NEDD4L: variants seen among roughly 807,000 people sequenced by gnomAD.
NEDD4L encodes E3 ubiquitin-protein ligase NEDD4-like.
NEDD4L carries 54 observed loss-of-function variants against 148.9 expected under a neutral mutation model. The ratio of observed to expected loss-of-function variants is 0.36; its 90% CI spans 0.29 to 0.45. NEDD4L has a LOEUF of 0.45. Among genes scored for constraint, NEDD4L ranks in the 20% least tolerant of loss-of-function variants. The probability of loss-of-function intolerance (pLI) is 1.00; values close to 1 mark genes in which losing one functional copy is unlikely to be tolerated. For synonymous variants in NEDD4L, 433 were observed against 440.7 expected, an observed-to-expected ratio of 0.98 and a Z score of 0.22; for missense variants, 856 against 1,233.8, an observed-to-expected ratio of 0.69 and a Z score of 4.59.
chr18:58,052,571 A>G (rs1389581611), intron 1 of NEDD4L, among the ~76,000 whole-genome samples: 2 of 152,078 alleles, frequency 1.3e-5, no homozygotes, highest in Non-Finnish European at 2.9e-5. Context: ...GCAGGCAGAC[A>G]TCTACCAAGA....
At chr18:58,095,540 G>A (rs2084343768) in intron 1 of NEDD4L, among the ~76,000 whole-genome samples, 1 of 152,178 alleles carries the variant, frequency 6.6e-6, no homozygotes, top group Admixed American at 6.5e-5. Flanking sequence ...GCTCAGTCGG[G>A]GCCAAAGGGC....
chr18:58,390,546 A>G, intron 28 of NEDD4L, 100 bp from the exon 29 acceptor site: 1 of 734,414 alleles, frequency 1.4e-6, no homozygotes, highest in Non-Finnish European at 2.4e-6. Flanking sequence ...TAGGTCTTAC[A>G]TTGCAATATA....
At chr18:58,051,552 A>T (rs2081871742) in intron 1 of NEDD4L, among the ~76,000 whole-genome samples, 1 of 152,310 alleles carries the variant, frequency 6.6e-6, no homozygotes, top group Admixed American at 6.5e-5. Flanking sequence ...AAACATGGCA[A>T]TGTGTGATAG....
rs1468553001 is a variant in NEDD4L, at chr18:58,300,888, AT to A, written c.298-15087del. On this transcript the variant is annotated intron_variant, in intron 5 of 30. Coordinates refer to ENST00000400345, the MANE Select transcript of NEDD4L (RefSeq NM_001144967.3). Reference sequence around the variant, plus strand: ...TGCTTGATTTACAGATTATTAGAGAATTTTTTTCAGTTAAACTTTGTCCAAA... The same window carrying A: ...TGCTTGATTTACAGATTATTAGAGAATTTTTTCAGTTAAACTTTGTCCAAA... Among the ~76,000 whole-genome samples, 6 of 152,246 alleles carry A rather than the reference AT, an allele frequency of 3.9e-5. No individual in the cohort carries two copies. The East Asian group carries it at 9.6e-4, about 24-fold the overall frequency.
chr18:58,295,661 G>A (rs1424891020), intron 5 of NEDD4L, among the ~76,000 whole-genome samples: 1 of 152,098 alleles, frequency 6.6e-6, no homozygotes, highest in African/African-American at 2.4e-5. Flanking sequence ...TTTCTGAGCT[G>A]GGTGTCATGT....
chr18:58,047,334 G>A, intron 1 of NEDD4L: 2 of 985,026 alleles, frequency 2.0e-6, no homozygotes, highest in Non-Finnish European at 2.4e-6. Context: ...TGAGATTGTT[G>A]AAAAGCATGG....
intron 16 of NEDD4L, among the ~76,000 whole-genome samples, chr18:58,345,195 G>A (rs1213337264): frequency 1.3e-5 from 2 of 152,194 alleles, no homozygotes; most frequent in African/African-American, 4.8e-5. Flanking sequence ...GGTAACAACT[G>A]GAAATTCCAC....
chr18:58,395,636 G>A (rs563681937), intron 30 of NEDD4L, among the ~76,000 whole-genome samples: 9 of 152,184 alleles, frequency 5.9e-5, no homozygotes, highest in Non-Finnish European at 1.2e-4. Context: ...TCTGTTTGTG[G>A]GTCTGCCGTT....
intron 1 of NEDD4L, among the ~76,000 whole-genome samples, chr18:58,059,360 G>A (rs1455694357): frequency 6.6e-6 from 1 of 152,198 alleles, no homozygotes; most frequent in African/African-American, 2.4e-5. Flanking sequence ...GAAGAAGGTT[G>A]CAGACCCATG....
chr18:58,271,535 T>G (rs1763595397), intron 5 of NEDD4L, among the ~76,000 whole-genome samples: 1 of 152,234 alleles, frequency 6.6e-6, no homozygotes, highest in Non-Finnish European at 1.5e-5. Context: ...TGTTATAATT[T>G]AAAAGTTACC....
At chr18:58,238,345 A>G (rs1310870624) in intron 2 of NEDD4L, among the ~76,000 whole-genome samples, 5 of 152,232 alleles carry the variant, frequency 3.3e-5, no homozygotes, top group African/African-American at 1.2e-4. Flanking sequence ...TAGGCTGGCC[A>G]TGAAATTACA....
rs557593359 is a variant in NEDD4L at position 58,159,871 on chromosome 18, A to T, written c.49-5917A>T. On this transcript the variant is annotated intron_variant, in intron 1 of 30. Transcript: ENST00000400345. The stretch of plus-strand genomic sequence containing the variant: ...GGTAAATACATGAATTAATTTAGGT[A>T]AGAGTGACAAAACAGTGGAAGTCCC... 4.7e-4 allele frequency among the ~76,000 whole-genome samples: 71 copies of T among 152,340 alleles called. 1 individual carries two copies. The highest frequency in any genetic ancestry group is 1.6e-3 in the African/African-American group (66 of 41,568).
intron 13 of NEDD4L, among the ~76,000 whole-genome samples, chr18:58,338,212 T>C (rs2042007426): frequency 6.6e-6 from 1 of 152,258 alleles, no homozygotes; most frequent in Non-Finnish European, 1.5e-5. Context: ...CTGTGAAATG[T>C]TAAACTAAGT....
At chr18:58,358,717 GTATT>G (rs544447559) in intron 19 of NEDD4L, among the ~76,000 whole-genome samples, 27 of 152,176 alleles carry the variant, frequency 1.8e-4, no homozygotes, top group Non-Finnish European at 3.5e-4. Context: ...AGGAGAATCT[GTATT>G]TAGGTAGTTA....
intron 1 of NEDD4L, among the ~76,000 whole-genome samples, chr18:58,123,122 T>C (rs963016534): frequency 6.6e-6 from 1 of 152,144 alleles, no homozygotes; most frequent in Non-Finnish European, 1.5e-5. Flanking sequence ...CTCCACCACC[T>C]CTGAATGTTC....
rs73442620 is a variant in NEDD4L, at chr18:58,116,920, C to A, written c.49-48868C>A. The stretch of plus-strand genomic sequence containing the variant: ...AGTTCTTTACCCAAACTCCTGCCAA[C>A]GCTGGCCCTTCTTTCTTACCCTGGT... On this transcript the variant is annotated intron_variant, in intron 1 of 30. Transcript: ENST00000400345. Among the ~76,000 whole-genome samples, 15 of 152,328 alleles carry A rather than the reference C, an allele frequency of 9.8e-5. No homozygotes were observed. In the East Asian group the frequency reaches 2.9e-3, roughly 29 times the overall value.
At chr18:58,179,163 C>T (rs1012935267) in intron 2 of NEDD4L, among the ~76,000 whole-genome samples, 11 of 152,180 alleles carry the variant, frequency 7.2e-5, no homozygotes, top group Non-Finnish European at 1.5e-4. Flanking sequence ...TATCTTTCTT[C>T]CACGGTGGTG....
intron 2 of NEDD4L, among the ~76,000 whole-genome samples, chr18:58,226,680 G>A (rs1244601305): frequency 1.3e-5 from 2 of 152,216 alleles, no homozygotes; most frequent in Non-Finnish European, 2.9e-5. Flanking sequence ...TTAAGTCTGA[G>A]CAGTGCTAAT....
intron 1 of NEDD4L, among the ~76,000 whole-genome samples, chr18:58,129,212 C>G (rs367896379): frequency 3.9e-5 from 6 of 152,238 alleles, no homozygotes; most frequent in Non-Finnish European, 8.8e-5. Flanking sequence ...CTGAGGCATC[C>G]GTGCCTACCC....
Sources: gnomAD v4.1 joint callset for allele counts (sites outside exome capture counted in the v4.1 genomes callset) on GRCh38, gnomAD v4.1.1 for gene constraint, MANE v1.5 for transcripts, NCBI Gene and HGNC (gene_info 2026-07-23, HGNC 2026-07-21) for gene names.